The following ST7 variants were observed in gnomAD, a reference collection of about 807,000 sequenced individuals.
The protein encoded by ST7 is suppressor of tumorigenicity 7 protein.
In ST7, 28 loss-of-function variants were observed where a neutral mutation model predicts 78.7. The ratio of observed to expected loss-of-function variants is 0.36; its 90% CI spans 0.26 to 0.49. ST7 has a LOEUF of 0.49. Among genes scored for constraint, ST7 ranks in the 20% least tolerant of loss-of-function variants. The pLI is 0.99. For missense variants in ST7, 418 were observed against 696.0 expected (o/e 0.60, Z 4.49); for synonymous variants, 247 against 249.6 (o/e 0.99, Z 0.10).
chr7:117,027,497 G>GTAAAGTAAAGTAAAGTAAAGT (rs1796264754), intron 1 of ST7, among the ~76,000 whole-genome samples: 1 of 151,020 alleles, frequency 6.6e-6, no homozygotes, highest in Non-Finnish European at 1.5e-5. Context: ...GTAAAGTAAA[G>GTAAAGTAAAGTAAAGTAAAGT]TAAGTAAAGT....
intron 1 of ST7, among the ~76,000 whole-genome samples, chr7:117,031,834 C>CATATATGTGTGTATATATATGCA (rs1446945623): frequency 0.036 from 3,400 of 93,830 alleles, 225 homozygotes; most frequent in East Asian, 0.14. Context: ...ATATCTATAT[C>CATATATGTGTGTATATATATGCA]TATATCTATA....
chr7:117,120,121 G>A (rs1186856965), intron 3 of ST7, among the ~76,000 whole-genome samples: 1 of 152,024 alleles, frequency 6.6e-6, no homozygotes, highest in Non-Finnish European at 1.5e-5. Context: ...TGTAGAGTGG[G>A]CTTTCGCTAT....
intron 1 of ST7, among the ~76,000 whole-genome samples, chr7:117,026,594 C>T (rs2116098115): frequency 6.6e-6 from 1 of 152,354 alleles, no homozygotes; most frequent in African/African-American, 2.4e-5. Flanking sequence ...GCAGCAACCA[C>T]ATGCCAGATG....
At chr7:116,986,541 GT>G (rs1794198827) in intron 1 of ST7, among the ~76,000 whole-genome samples, 1 of 152,034 alleles carries the variant, frequency 6.6e-6, no homozygotes. Context: ...AGCTGCTTCA[GT>G]TTTTTTCTTT....
intron 13 of ST7, among the ~76,000 whole-genome samples, chr7:117,214,158 A>G (rs1792505254): frequency 6.6e-6 from 1 of 152,196 alleles, no homozygotes. Flanking sequence ...TGCCGACCAC[A>G]ACTGTGAACT....
Position 117,076,192 on chromosome 7 carries a change from C to T in ST7, c.152-23570C>T, listed in dbSNP as rs570367982. ...CCTTAGTGATTGGCTTTCAGTGTGG[C>T]GAGCAGCAGGACCTAGACCAAACCT... On this transcript the variant is annotated intron_variant, in intron 1 of 15. Coordinates refer to ENST00000323984, the MANE Select transcript of ST7 (RefSeq NM_001369598.1). Among the ~76,000 whole-genome samples the T allele has an allele frequency of 3.9e-5, 6 of 152,258 alleles. No individual in the cohort carries two copies. The South Asian group carries it at 1.0e-3, about 26-fold the overall frequency.
At chr7:117,091,755 CA>C (rs1349387205) in intron 1 of ST7, among the ~76,000 whole-genome samples, 7 of 152,286 alleles carry the variant, frequency 4.6e-5, no homozygotes, top group Non-Finnish European at 8.8e-5. Context: ...GTAAATATAG[CA>C]GTTTAACACA....
chr7:117,007,980 G>T (rs1795222979), intron 1 of ST7, among the ~76,000 whole-genome samples: 1 of 152,140 alleles, frequency 6.6e-6, no homozygotes, highest in Non-Finnish European at 1.5e-5. Flanking sequence ...AAAACTGTAA[G>T]AATCTGTGTT....
intron 2 of ST7, among the ~76,000 whole-genome samples, chr7:117,105,734 G>A (rs1801901336): frequency 6.6e-6 from 1 of 152,140 alleles, no homozygotes; most frequent in African/African-American, 2.4e-5. Context: ...ACAAAGAAAA[G>A]AAAAATAAAT....
At chr7:117,099,205 C>G (rs1015225987) in intron 1 of ST7, among the ~76,000 whole-genome samples, 1 of 151,970 alleles carries the variant, frequency 6.6e-6, no homozygotes, top group African/African-American at 2.4e-5. Flanking sequence ...AAACCTTTTA[C>G]TCATCATACA....
At chr7:116,953,827 C>T (rs1364482566) in intron 1 of ST7, 136 bp downstream of exon 1, 2 of 484,184 alleles carry the variant, frequency 4.1e-6, no homozygotes, top group African/African-American at 2.1e-5. Flanking sequence ...CGCGGCTACC[C>T]GCCAGCAACG....
At chr7:117,031,856 ATC>A (rs1432274556) in intron 1 of ST7, among the ~76,000 whole-genome samples, 5 of 117,570 alleles carry the variant, frequency 4.3e-5, no homozygotes, top group African/African-American at 1.3e-4. Flanking sequence ...CTATATCTAT[ATC>A]TATCTATCTA....
rs112869747 is a variant in ST7 at position 117,172,084 on chromosome 7, A to G, written c.1078+1108A>G. On this transcript the variant is annotated intron_variant, in intron 10 of 15. Transcript: ENST00000323984. The stretch of plus-strand genomic sequence containing the variant: ...TCCTGCTTCAGCCTCCCAAGTGACT[A>G]GGACTATAGGAGTGTGCCATCATGC... 2.3e-3 allele frequency among the ~76,000 whole-genome samples: 347 copies of G among 152,014 alleles called. 2 individuals carry two copies. The highest frequency in any genetic ancestry group is 8.1e-3 in the African/African-American group (337 of 41,472).
At chr7:117,218,557 C>T (rs886848720) in intron 13 of ST7, among the ~76,000 whole-genome samples, 3 of 152,118 alleles carry the variant, frequency 2.0e-5, no homozygotes, top group South Asian at 2.1e-4. Flanking sequence ...AAACACCTCC[C>T]GAGTTATACA....
intron 3 of ST7, among the ~76,000 whole-genome samples, chr7:117,122,876 G>A (rs1362566240): frequency 6.6e-6 from 1 of 152,162 alleles, no homozygotes; most frequent in Non-Finnish European, 1.5e-5. Context: ...TAGGTACATT[G>A]TCTGAATTTA....
At chr7:117,085,538 T>C (rs1471105853) in intron 1 of ST7, among the ~76,000 whole-genome samples, 1 of 152,232 alleles carries the variant, frequency 6.6e-6, no homozygotes, top group East Asian at 1.9e-4. Flanking sequence ...TGCTATACAG[T>C]TGCCTAGAGC....
intron 7 of ST7, among the ~76,000 whole-genome samples, chr7:117,135,516 TC>T (rs1308918009): frequency 1.3e-5 from 2 of 152,104 alleles, no homozygotes; most frequent in Non-Finnish European, 2.9e-5. Context: ...GTGTTTTTTT[TC>T]AGTGAGTAAC....
chr7:117,215,620 G>A (rs1313184836), intron 13 of ST7, among the ~76,000 whole-genome samples: 1 of 152,184 alleles, frequency 6.6e-6, no homozygotes, highest in Non-Finnish European at 1.5e-5. Flanking sequence ...AAAGTCATAC[G>A]CTAGTGAGCC....
At chr7:117,132,365 A>T (rs752470684) in intron 6 of ST7, among the ~76,000 whole-genome samples, 16 of 150,688 alleles carry the variant, frequency 1.1e-4, no homozygotes, top group Non-Finnish European at 2.1e-4. Context: ...CATAAGGTTT[A>T]AAAAAAAAAT....
Sources: gnomAD v4.1 joint callset for allele counts (sites outside exome capture counted in the v4.1 genomes callset) on GRCh38, gnomAD v4.1.1 for gene constraint, MANE v1.5 for transcripts, NCBI Gene and HGNC (gene_info 2026-07-23, HGNC 2026-07-21) for gene names.